Variants in CBLB observed in about 807,000 individuals in gnomAD.
CBLB encodes the protein E3 ubiquitin-protein ligase CBL-B.
In CBLB, 31 loss-of-function variants were observed where a neutral mutation model predicts 104.9. The ratio of observed to expected loss-of-function variants is 0.30; its 90% confidence interval spans 0.22 to 0.40. The LOEUF (loss-of-function observed/expected upper bound fraction) is 0.40. Among genes scored for constraint, CBLB ranks in the 10% least tolerant of loss-of-function variants. The pLI is 1.00. For missense variants in CBLB, 1,062 were observed against 1,214.6 expected (o/e 0.87, Z 1.87); for synonymous variants, 440 against 422.6 (o/e 1.04, Z -0.51).
chr3:105,807,132 G>A (rs2083611860), intron 3 of CBLB, among the ~76,000 whole-genome samples: 1 of 152,158 alleles, frequency 6.6e-6, no homozygotes, highest in Admixed American at 6.5e-5. Context: ...ACCATTATAT[G>A]AAAGGAAACT....
chr3:105,829,666 C>CA lies in CBLB; in HGVS notation c.419+23747dup, dbSNP rs71627689. Among the ~76,000 whole-genome samples the CA allele has an allele frequency of 2.0e-3, 93 of 47,016 alleles. 2 individuals carry two copies. The highest frequency in any genetic ancestry group is 2.1e-3 in the Non-Finnish European group (55 of 25,662). 30.8% of individuals were successfully genotyped at this position (47,016 alleles called of 152,430 possible). The stretch of plus-strand genomic sequence containing the variant: ...CCAGAGCGACACAGCAAGACCGTCC[C>CA]AAAAAAAAAAAAAAAAAAAAAAAAA... On this transcript the variant is annotated intron_variant, in intron 3 of 18. Coordinates refer to ENST00000394030, the MANE Select transcript of CBLB (RefSeq NM_170662.5).
intron 9 of CBLB, among the ~76,000 whole-genome samples, chr3:105,730,039 TAC>T (rs1229172056): frequency 6.6e-6 from 1 of 152,064 alleles, no homozygotes; most frequent in Non-Finnish European, 1.5e-5. Context: ...CCCACTGAGA[TAC>T]AGAGACTGTG....
At chr3:105,868,423 A>T in intron 1 of CBLB, 1 of 392,816 alleles carries the variant, frequency 2.5e-6, no homozygotes, top group Non-Finnish European at 4.4e-6. Context: ...GGGAGGGGAC[A>T]AAGTGTCCCT....
intron 3 of CBLB, among the ~76,000 whole-genome samples, chr3:105,825,739 A>G (rs902417580): frequency 6.6e-6 from 1 of 152,210 alleles, no homozygotes; most frequent in Non-Finnish European, 1.5e-5. Context: ...CTTTGCCATT[A>G]GTTGAAATTT....
chr3:105,753,893 A>C (rs1043301698), intron 4 of CBLB, among the ~76,000 whole-genome samples: 10 of 152,196 alleles, frequency 6.6e-5, no homozygotes, highest in Admixed American at 2.0e-4. Context: ...CCCCTTCATA[A>C]TAACAATTTA....
intron 2 of CBLB, among the ~76,000 whole-genome samples, chr3:105,862,695 G>T (rs574515832): frequency 6.6e-6 from 1 of 152,158 alleles, no homozygotes; most frequent in African/African-American, 2.4e-5. Flanking sequence ...GCCTTCAATG[G>T]TTTTCTACCA....
At chr3:105,684,344 C>A (rs2152735078) in intron 14 of CBLB, among the ~76,000 whole-genome samples, 1 of 152,238 alleles carries the variant, frequency 6.6e-6, no homozygotes, top group Admixed American at 6.5e-5. Flanking sequence ...CAAACAAACC[C>A]AGAAATAATA....
chr3:105,720,283 G>T (rs749284958), intron 9 of CBLB, 33 bp from the exon 10 acceptor site: 34 of 1,565,090 alleles, frequency 2.2e-5, no homozygotes, highest in Non-Finnish European at 3.0e-5. Flanking sequence ...GATTGGTTTT[G>T]TTCAAAATAA....
At chr3:105,777,123 G>C (rs2079573689) in intron 3 of CBLB, among the ~76,000 whole-genome samples, 1 of 152,226 alleles carries the variant, frequency 6.6e-6, no homozygotes, top group South Asian at 2.1e-4. Flanking sequence ...AAGCAGAGCA[G>C]AGGGTAACAG....
chr3:105,866,433 A>G (rs149126873), intron 2 of CBLB, among the ~76,000 whole-genome samples: 1 of 152,348 alleles, frequency 6.6e-6, no homozygotes, highest in East Asian at 1.9e-4. Flanking sequence ...TTCTTCAGTT[A>G]TAAAGATACT....
Position 105,656,055 on chromosome 3 carries a change from G to A in CBLB, c.*2915C>T. The A allele has an allele frequency of 4.4e-6, 1 of 225,774 alleles. No individual in the cohort carries two copies. The allele number at this position is 225,774 out of a possible 1,614,324, so 14.0% of individuals were successfully genotyped here. ...GAGCTGAAGGTTGTATTTGTGGAAGGAAATTCAAGTTAAGCAAAAACTGCT... is the reference window on the plus strand; with the variant it reads ...GAGCTGAAGGTTGTATTTGTGGAAGAAAATTCAAGTTAAGCAAAAACTGCT... On this transcript the variant is annotated 3_prime_UTR_variant, in exon 19 of 19. Transcript: ENST00000394030.
At chr3:105,675,927 G>GA (rs2065590212) in intron 17 of CBLB, among the ~76,000 whole-genome samples, 2 of 140,436 alleles carry the variant, frequency 1.4e-5, no homozygotes, top group South Asian at 4.5e-4. Flanking sequence ...TCTGGTACCA[G>GA]ACTAGAAATC....
rs1408168771 is a variant in CBLB at position 105,681,597 on chromosome 3, A to C, written c.2310T>G (p.Asp770Glu). ...GTAATGGCACGGGATCAGAGGCTGA[A>C]TCAAAAACATCTCCTAGAGGATAAC... ...LSIYLKGDVFDSASDPVPLPP... is the reference protein window; with the variant it reads ...LSIYLKGDVFESASDPVPLPP... The change falls in exon 16 of 19, where the codon GAT becomes GAG. Residue 770 changes from aspartate to glutamate, a missense_variant. By Grantham distance (45) the Asp-to-Glu change is conservative. This residue lies in a region of CBLB where 605 missense variants were observed against 582.6 expected (regional missense o/e 1.04). Transcript: ENST00000394030. The C allele has an allele frequency of 6.2e-7, 1 of 1,614,198 alleles. No homozygotes were observed. Among genetic ancestry groups the C allele is most frequent in the Non-Finnish European group, 8.5e-7 (1 of 1,180,006 alleles).
At chr3:105,814,564 T>C (rs2084753953) in intron 3 of CBLB, among the ~76,000 whole-genome samples, 1 of 149,904 alleles carries the variant, frequency 6.7e-6, no homozygotes, top group Admixed American at 6.7e-5. Flanking sequence ...GAAATATAAA[T>C]GAATATGGCA....
At chr3:105,807,266 C>T (rs1036392911) in intron 3 of CBLB, among the ~76,000 whole-genome samples, 48 of 152,282 alleles carry the variant, frequency 3.2e-4, no homozygotes, top group Admixed American at 9.2e-4. Flanking sequence ...CCTCAAAAAA[C>T]TGTGATATGG....
rs368162566 is a variant in CBLB, at chr3:105,720,120, G to A, written c.1334C>T (p.Pro445Leu). The A allele has an allele frequency of 3.2e-5, 51 of 1,613,756 alleles. No homozygotes were observed. The highest frequency in any genetic ancestry group is 1.8e-4 in the South Asian group (16 of 91,072). ...ATCATCGTCGTCCAAGTCTAGCATC[G>A]GCATGCCAAAGGGGTCAATGATGCT... ...CCSIIDPFGMPMLDLDDDDDR... is the reference protein window; with the variant it reads ...CCSIIDPFGMLMLDLDDDDDR... Residue 445 changes from proline (P) to leucine (L), a missense_variant, in exon 10 of 19, where the codon CCG becomes CTG. Physicochemically the swap from Pro to Leu is moderately conservative, Grantham distance 98. Coordinates refer to ENST00000394030, the MANE Select transcript of CBLB (RefSeq NM_170662.5).
At chr3:105,842,319 T>C (rs371804209) in intron 3 of CBLB, among the ~76,000 whole-genome samples, 1 of 152,230 alleles carries the variant, frequency 6.6e-6, no homozygotes, top group South Asian at 2.1e-4. Flanking sequence ...CCTGAAAGTA[T>C]GGCAAAGTAG....
Position 105,704,152 on chromosome 3 carries a change from G to C in CBLB, c.1429C>G (p.Pro477Ala). The change falls in exon 11 of 19, where the codon CCA (proline) becomes GCA (alanine). Residue 477 changes from proline to alanine, a missense_variant. Pro to Ala is a conservative substitution (Grantham distance 27). Transcript: ENST00000394030. ...VRKCTDRQNS[P>A]VTSPGSSPLA... Reference sequence around the variant, plus strand: ...GGAGAGGATCCTGGTGATGTGACTGGTGAGTTCTGCCTGTCAGTGCACTAG... The same window carrying C: ...GGAGAGGATCCTGGTGATGTGACTGCTGAGTTCTGCCTGTCAGTGCACTAG... 6.2e-7 allele frequency: 1 copy of C among 1,614,096 alleles called. No homozygotes were observed. The highest frequency in any genetic ancestry group is 8.5e-7 in the Non-Finnish European group (1 of 1,179,986).
intron 4 of CBLB, among the ~76,000 whole-genome samples, chr3:105,764,436 A>C (rs903359508): frequency 6.6e-6 from 1 of 152,188 alleles, no homozygotes; most frequent in Non-Finnish European, 1.5e-5. Flanking sequence ...GTTTCAAAAC[A>C]GTATTTTTTG....
Sources: gnomAD v4.1 joint callset for allele counts (sites outside exome capture counted in the v4.1 genomes callset) on GRCh38, gnomAD v4.1.1 for gene constraint, gnomAD v4.1.1 regional missense constraint, MANE v1.5 for transcripts, NCBI Gene and HGNC (gene_info 2026-07-23, HGNC 2026-07-21) for gene names.